ALDH9A1: variants seen among roughly 807,000 people sequenced by gnomAD.
ALDH9A1 encodes the protein 4-trimethylaminobutyraldehyde dehydrogenase.
In ALDH9A1, 42 loss-of-function variants were observed where a neutral mutation model predicts 56.6. That is an observed-to-expected ratio of 0.74 (90% CI 0.58 to 0.96). The LOEUF (loss-of-function observed/expected upper bound fraction) is 0.96, where lower values mean the gene tolerates loss of function less well. ALDH9A1 is among the 40% of genes least tolerant of loss of function. ALDH9A1 has a pLI of 0.00. For missense variants in ALDH9A1, 661 were observed against 651.5 expected, an observed-to-expected ratio of 1.01 and a Z score of -0.16; for synonymous variants, 242 against 236.0, an observed-to-expected ratio of 1.03 and a Z score of -0.23.
intron 2 of ALDH9A1, among the ~76,000 whole-genome samples, chr1:165,692,621 C>T (rs1477431349): frequency 1.3e-5 from 2 of 152,072 alleles, no homozygotes; most frequent in African/African-American, 2.4e-5. Flanking sequence ...ATCAATATCG[C>T]AAAAATGGCC....
chr1:165,693,524 C>G (rs1196377639), intron 2 of ALDH9A1, among the ~76,000 whole-genome samples: 1 of 152,232 alleles, frequency 6.6e-6, no homozygotes, highest in African/African-American at 2.4e-5. Flanking sequence ...GATACCATCT[C>G]ACACCAGTTA....
chr1:165,678,279 A>G (rs1038042903), intron 6 of ALDH9A1, among the ~76,000 whole-genome samples: 3 of 152,206 alleles, frequency 2.0e-5, no homozygotes, highest in African/African-American at 7.2e-5. Flanking sequence ...GGATGCAGTG[A>G]GCCGAGATCG....
chr1:165,686,478 C>T (rs1285298102), intron 2 of ALDH9A1, among the ~76,000 whole-genome samples: 1 of 149,642 alleles, frequency 6.7e-6, no homozygotes, highest in Non-Finnish European at 1.5e-5. Flanking sequence ...CTACCCAAGA[C>T]TGGGAAAAGG....
rs377346354 is a variant in ALDH9A1, at chr1:165,669,291, G to C, written c.1090C>G (p.Leu364Val). 3.0e-5 allele frequency: 48 copies of C among 1,608,878 alleles called. No individual in the cohort carries two copies. The South Asian group carries it at 4.8e-4, about 16-fold the overall frequency. ...TCCTTTGCCACTTTGACAAACCCAA[G>C]GACTCGCTCCAGGTGTGGTCGGTTG... ...LINRPHLERV[L>V]GFVKVAKEQG... Residue 364 changes from leucine (L) to valine (V), a missense_variant, in exon 7 of 11, where the codon CTT becomes GTT. Physicochemically the swap from Leu to Val is conservative, Grantham distance 32. Transcript: ENST00000354775.
chr1:165,668,791 T>C (rs1173758553), intron 8 of ALDH9A1, 135 bp downstream of exon 8: 13 of 658,756 alleles, frequency 2.0e-5, no homozygotes. Context: ...CAGTTCTACT[T>C]CTTAAACTTG....
At chr1:165,674,811 C>T (rs1315851172) in intron 6 of ALDH9A1, among the ~76,000 whole-genome samples, 1 of 152,000 alleles carries the variant, frequency 6.6e-6, no homozygotes, top group Non-Finnish European at 1.5e-5. Flanking sequence ...ATGCTCAGTG[C>T]AGCATTATTC....
In ALDH9A1 at chr1:165,695,369, T is replaced by C. The variant is rs777591228; in HGVS notation, c.210A>G (p.Ser70=). ...CAGCCAAATTTACTTCCTTTTCTCC[T>C]GAACATGTGAAAGTAGCTATCACTC... The part of the protein sequence containing the change: ...TGRVIATFTC[S]GEKEVNLAVQ... The change falls in exon 2 of 11, where the codon TCA becomes TCG. Residue 70 remains serine (S), a synonymous_variant. Coordinates refer to ENST00000354775, the MANE Select transcript of ALDH9A1 (RefSeq NM_000696.4). 3.7e-6 allele frequency: 6 copies of C among 1,611,702 alleles called. No homozygotes were observed. The highest frequency in any genetic ancestry group is 1.7e-5 in the Admixed American group (1 of 59,624).
At chr1:165,669,577 C>G in intron 6 of ALDH9A1, 127 bp from the exon 7 acceptor site, 1 of 903,320 alleles carries the variant, frequency 1.1e-6, no homozygotes, top group Non-Finnish European at 1.6e-6. Context: ...AAGGATATTT[C>G]CATTTCTAAA....
intron 2 of ALDH9A1, among the ~76,000 whole-genome samples, chr1:165,692,605 G>C (rs1426841244): frequency 6.6e-6 from 1 of 152,172 alleles, no homozygotes; most frequent in Non-Finnish European, 1.5e-5. Flanking sequence ...CTCATGGATA[G>C]GAAGAATCAA....
At chr1:165,678,080 A>C (rs1649426505) in intron 6 of ALDH9A1, among the ~76,000 whole-genome samples, 1 of 151,982 alleles carries the variant, frequency 6.6e-6, no homozygotes, top group South Asian at 2.1e-4. Flanking sequence ...TCACACTTGT[A>C]ATCCCAGCAC....
intron 2 of ALDH9A1, among the ~76,000 whole-genome samples, chr1:165,687,168 G>GA (rs1201704215): frequency 6.6e-6 from 1 of 151,888 alleles, no homozygotes; most frequent in Non-Finnish European, 1.5e-5. Flanking sequence ...CTCAGAAGGA[G>GA]AAAAAAACCC....
Position 165,662,709 on chromosome 1 carries a change from C to T in ALDH9A1, c.*341G>A, listed in dbSNP as rs896589312. The T allele has an allele frequency of 2.4e-5, 5 of 205,424 alleles. No homozygotes were observed. Among genetic ancestry groups the T allele is most frequent in the Non-Finnish European group, 3.9e-5 (4 of 101,632 alleles). The allele number at this position is 205,424 out of a possible 1,614,324, so 12.7% of individuals were successfully genotyped here. ...AGCCAGGAACAAGTTCTTTGAAATA[C>T]GCCAGAGAATTAACATTATCAGTGG... is the stretch of plus-strand genomic sequence containing the variant. On this transcript the variant is annotated 3_prime_UTR_variant, in exon 11 of 11. Coordinates refer to ENST00000354775, the MANE Select transcript of ALDH9A1 (RefSeq NM_000696.4).
intron 6 of ALDH9A1, among the ~76,000 whole-genome samples, chr1:165,672,861 T>C (rs1309887280): frequency 6.6e-6 from 1 of 151,814 alleles, no homozygotes; most frequent in Non-Finnish European, 1.5e-5. Flanking sequence ...CACTTGAGCT[T>C]GGGAGGTTGA....
intron 2 of ALDH9A1, 131 bp from the exon 3 acceptor site, chr1:165,683,241 C>T: frequency 4.1e-6 from 4 of 975,836 alleles, no homozygotes; most frequent in Non-Finnish European, 4.6e-6. Flanking sequence ...AAAGAAATGG[C>T]AGTGTTACAT....
rs901234655 is a variant in ALDH9A1, at chr1:165,698,439, G to A, written c.120C>T (p.Gly40=). 4 of 1,606,220 alleles carry A rather than the reference G, an allele frequency of 2.5e-6. No homozygotes were observed. Among genetic ancestry groups the A allele is most frequent in the African/African-American group, 2.7e-5 (2 of 73,892 alleles). The change falls in exon 1 of 11, where the codon GGC becomes GGT. Residue 40 remains glycine (G), a synonymous_variant. Coordinates refer to ENST00000354775, the MANE Select transcript of ALDH9A1 (RefSeq NM_000696.4). ...FVVSQPLNYR[G]GARVEPADAS... is the part of the protein sequence containing the mutation. ...CGTCCGCCGGCTCCACGCGGGCCCCGCCGCGGTAATTGAGCGGCTGCGACA... is the reference window on the plus strand; with the variant it reads ...CGTCCGCCGGCTCCACGCGGGCCCCACCGCGGTAATTGAGCGGCTGCGACA...
chr1:165,677,624 C>T (rs191065254), intron 6 of ALDH9A1, among the ~76,000 whole-genome samples: 1 of 152,160 alleles, frequency 6.6e-6, no homozygotes, highest in East Asian at 1.9e-4. Flanking sequence ...TTTGGGAGGC[C>T]AAGGCAGGTG....
chr1:165,675,324 T>C (rs1341600970), intron 6 of ALDH9A1, among the ~76,000 whole-genome samples: 1 of 152,060 alleles, frequency 6.6e-6, no homozygotes, highest in East Asian at 1.9e-4. Flanking sequence ...ATTTATTCTA[T>C]ATATTCTATA....
In ALDH9A1 at chr1:165,662,937, T is replaced by C; in HGVS notation, c.*113A>G. ...AGTAACATGAACCATTCTCTTATAC[T>C]GAACGCCAAAATTCTGGATGTAAAA... On this transcript the variant is annotated 3_prime_UTR_variant, in exon 11 of 11. Coordinates refer to ENST00000354775, the MANE Select transcript of ALDH9A1 (RefSeq NM_000696.4). 1.1e-6 allele frequency: 1 copy of C among 935,546 alleles called. No homozygotes were observed. Among genetic ancestry groups the C allele is most frequent in the South Asian group, 1.4e-5 (1 of 70,272 alleles). The allele number at this position is 935,546 out of a possible 1,614,324, so 58.0% of individuals were successfully genotyped here.
intron 7 of ALDH9A1, 91 bp downstream of exon 7, chr1:165,669,171 T>A: frequency 1.4e-6 from 2 of 1,389,416 alleles, no homozygotes; most frequent in Non-Finnish European, 2.0e-6. Flanking sequence ...ATAATAGTCA[T>A]ACGAATATTA....
Sources: allele counts gnomAD v4.1 joint callset (sites outside exome capture counted in the v4.1 genomes callset), GRCh38; gene constraint gnomAD v4.1.1; transcripts MANE v1.5; gene names NCBI Gene and HGNC (gene_info 2026-07-23, HGNC 2026-07-21).